Variants in SNTG2 observed in about 807,000 individuals in gnomAD.
SNTG2 encodes gamma-2-syntrophin.
A neutral mutation model predicts 70.9 loss-of-function variants in SNTG2; 74 were observed. That is an observed-to-expected ratio of 1.04 (90% confidence interval 0.86 to 1.27). The LOEUF is 1.27. Among genes scored for constraint, SNTG2 ranks in the 50% most tolerant of loss-of-function variants. The probability of loss-of-function intolerance (pLI) is 0.00; values close to 1 mark genes in which losing one functional copy is unlikely to be tolerated. For missense variants in SNTG2, 717 were observed against 690.7 expected (o/e 1.04, Z -0.43); for synonymous variants, 278 against 273.8 (o/e 1.02, Z -0.15).
At chr2:1,268,257 C>T (rs1181038730) in intron 14 of SNTG2, among the ~76,000 whole-genome samples, 2 of 152,196 alleles carry the variant, frequency 1.3e-5, no homozygotes, top group Non-Finnish European at 2.9e-5. Flanking sequence ...CACCAAAGTC[C>T]AGGGCTCCCG....
At chr2:1,180,959 A>T (rs1671844827) in intron 8 of SNTG2, among the ~76,000 whole-genome samples, 2 of 152,164 alleles carry the variant, frequency 1.3e-5, no homozygotes, top group Non-Finnish European at 2.9e-5. Context: ...TCAGCAAACC[A>T]TCGCAAGGAC....
intron 1 of SNTG2, among the ~76,000 whole-genome samples, chr2:981,243 A>AG (rs1374940964): frequency 3.3e-5 from 5 of 152,242 alleles, no homozygotes; most frequent in African/African-American, 4.8e-5. Context: ...CTCAAGGCTC[A>AG]GCAGCTTCAT....
intron 6 of SNTG2, among the ~76,000 whole-genome samples, chr2:1,152,569 CAT>C (rs1279269275): frequency 1.3e-4 from 6 of 46,486 alleles, no homozygotes; most frequent in Non-Finnish European, 3.1e-4. Flanking sequence ...TAGGTGTGCA[CAT>C]GTGCATGTGT....
chr2:1,281,533 GTGTGGTGTGTGTGTA>G (rs1187144294), intron 14 of SNTG2, among the ~76,000 whole-genome samples: 2 of 72,336 alleles, frequency 2.8e-5, no homozygotes, highest in Admixed American at 1.2e-4. Context: ...TGTGTGTTTG[GTGTGGTGTGTGTGTA>G]TGTGGTGTGT....
intron 16 of SNTG2, among the ~76,000 whole-genome samples, chr2:1,360,542 A>G (rs4527248): frequency 0.72 from 109,615 of 152,004 alleles, 39,819 homozygotes; most frequent in East Asian, 0.93. Context: ...GGCACCTGCC[A>G]CAACAAGTGA....
intron 1 of SNTG2, among the ~76,000 whole-genome samples, chr2:1,071,245 C>G (rs1255534136): frequency 1.3e-5 from 2 of 151,256 alleles, no homozygotes; most frequent in African/African-American, 2.4e-5. Flanking sequence ...AGACTTGGAA[C>G]CAACCCAAAT....
At chr2:1,008,864 G>A (rs1659644550) in intron 1 of SNTG2, among the ~76,000 whole-genome samples, 1 of 152,132 alleles carries the variant, frequency 6.6e-6, no homozygotes, top group African/African-American at 2.4e-5. Flanking sequence ...GTTCATTTCA[G>A]TTCTTTCTGA....
At chr2:1,234,128 C>T (rs187608862) in intron 9 of SNTG2, among the ~76,000 whole-genome samples, 5 of 152,174 alleles carry the variant, frequency 3.3e-5, no homozygotes, top group East Asian at 1.9e-4. Flanking sequence ...CTGTGAGCCA[C>T]GGAGGAAACT....
intron 6 of SNTG2, among the ~76,000 whole-genome samples, chr2:1,151,992 A>AGTT (rs1553339610): frequency 2.6e-5 from 4 of 151,972 alleles, no homozygotes; most frequent in Admixed American, 6.6e-5. Context: ...TCTAGAGAAC[A>AGTT]ATTCAAATAT....
chr2:1,245,107 T>A (rs868083780), intron 11 of SNTG2, among the ~76,000 whole-genome samples: 37 of 116,676 alleles, frequency 3.2e-4, no homozygotes, highest in African/African-American at 7.9e-4. Context: ...AACATCACAC[T>A]CTGGGGACTG....
chr2:1,186,136 A>G (rs1368266109), intron 8 of SNTG2, among the ~76,000 whole-genome samples: 2 of 139,248 alleles, frequency 1.4e-5, no homozygotes, highest in Non-Finnish European at 3.1e-5. Context: ...TCCCTAGAGC[A>G]GGGGCACAAT....
chr2:1,050,105 T>G (rs2148076260), intron 1 of SNTG2, among the ~76,000 whole-genome samples: 1 of 152,326 alleles, frequency 6.6e-6, no homozygotes, highest in Admixed American at 6.5e-5. Flanking sequence ...TGTATGAGTC[T>G]TTATCAAACA....
chr2:1,104,202 T>C (rs1012633207), intron 4 of SNTG2, among the ~76,000 whole-genome samples: 5 of 152,242 alleles, frequency 3.3e-5, no homozygotes, highest in African/African-American at 1.2e-4. Flanking sequence ...TTTCAAACGT[T>C]TGTAAAGAAC....
chr2:1,031,285 G>A (rs959224835), intron 1 of SNTG2, among the ~76,000 whole-genome samples: 1 of 151,818 alleles, frequency 6.6e-6, no homozygotes, highest in Admixed American at 6.6e-5. Flanking sequence ...TCTGTCGCTG[G>A]TCTGTGCAGG....
intron 8 of SNTG2, among the ~76,000 whole-genome samples, chr2:1,182,360 C>CAAAAAAAAAAAAAAA (rs10587246): frequency 1.6e-5 from 2 of 122,058 alleles, no homozygotes; most frequent in Non-Finnish European, 1.6e-5. Flanking sequence ...TTAAAAATTT[C>CAAAAAAAAAAAAAAA]AAAAAAAAAA....
intron 14 of SNTG2, among the ~76,000 whole-genome samples, chr2:1,272,592 CA>C (rs1223228398): frequency 1.4e-5 from 2 of 146,032 alleles, no homozygotes; most frequent in South Asian, 2.3e-4. Context: ...TCCCAGGGAG[CA>C]GGTGTAGAAA....
intron 1 of SNTG2, among the ~76,000 whole-genome samples, chr2:965,231 A>C (rs1572170860): frequency 1.6e-5 from 2 of 126,510 alleles, no homozygotes; most frequent in Non-Finnish European, 3.3e-5. Context: ...CCTGGTCCCC[A>C]GTCCTCCTCC....
intron 9 of SNTG2, among the ~76,000 whole-genome samples, chr2:1,213,629 A>G (rs940281847): frequency 3.9e-5 from 6 of 152,206 alleles, no homozygotes; most frequent in African/African-American, 1.4e-4. Flanking sequence ...CCACTGCAGG[A>G]TGGCTCACAC....
At chr2:1,221,384 C>T (rs1164968718) in intron 9 of SNTG2, among the ~76,000 whole-genome samples, 2 of 137,536 alleles carry the variant, frequency 1.5e-5, no homozygotes, top group Non-Finnish European at 1.6e-5. Context: ...TCTCTCTGCC[C>T]CTCCCTCTGT....
Sources: gnomAD v4.1 joint callset for allele counts (sites outside exome capture counted in the v4.1 genomes callset) on GRCh38, gnomAD v4.1.1 for gene constraint, MANE v1.5 for transcripts, NCBI Gene and HGNC (gene_info 2026-07-23, HGNC 2026-07-21) for gene names.